NRG3: variants seen among roughly 807,000 people sequenced by gnomAD.
NRG3 encodes the protein neuregulin 3, also known as pro-neuregulin-3, membrane-bound isoform.
NRG3 carries 31 observed loss-of-function variants against 66.9 expected under a neutral mutation model. The observed-to-expected ratio is 0.46, with a 90% CI of 0.35 to 0.63. NRG3 has a LOEUF of 0.63. Among genes scored for constraint, NRG3 ranks in the 20% least tolerant of loss-of-function variants. The pLI is 0.00. For missense variants in NRG3, 910 were observed against 878.9 expected (o/e 1.04, Z -0.45); for synonymous variants, 393 against 359.4 (o/e 1.09, Z -1.06).
chr10:82,518,599 G>T (rs1295489634), intron 2 of NRG3, among the ~76,000 whole-genome samples: 1 of 152,148 alleles, frequency 6.6e-6, no homozygotes, highest in Non-Finnish European at 1.5e-5. Flanking sequence ...ACACATGGAA[G>T]TAATTTTCTC....
At chr10:82,081,946 G>C (rs1471474231) in intron 1 of NRG3, among the ~76,000 whole-genome samples, 1 of 152,148 alleles carries the variant, frequency 6.6e-6, no homozygotes, top group Non-Finnish European at 1.5e-5. Flanking sequence ...CTTGAGTCCA[G>C]GCGTTTTGAG....
chr10:82,230,755 T>TTGAAATAATTTATC (rs2076414775), intron 1 of NRG3, among the ~76,000 whole-genome samples: 1 of 152,050 alleles, frequency 6.6e-6, no homozygotes, highest in Non-Finnish European at 1.5e-5. Context: ...AATAATAACA[T>TTGAAATAATTTATC]TGAAATAATT....
At chr10:82,393,561 G>C (rs1018065423) in intron 2 of NRG3, among the ~76,000 whole-genome samples, 4 of 152,210 alleles carry the variant, frequency 2.6e-5, no homozygotes, top group Admixed American at 2.0e-4. Flanking sequence ...TAAGGAAATA[G>C]AGAGCTGTGT....
At chr10:82,931,619 T>C (rs1320818307) in intron 4 of NRG3, among the ~76,000 whole-genome samples, 2 of 152,234 alleles carry the variant, frequency 1.3e-5, no homozygotes, top group South Asian at 2.1e-4. Context: ...GAAACCTTCA[T>C]TGACTCTTCT....
chr10:82,772,704 C>CTTTTTTTTT (rs745609399), intron 3 of NRG3, among the ~76,000 whole-genome samples: 1 of 111,692 alleles, frequency 9.0e-6, no homozygotes, highest in African/African-American at 3.7e-5. Context: ...GCTTCCATAT[C>CTTTTTTTTT]TTTTTTTTTT....
intron 1 of NRG3, among the ~76,000 whole-genome samples, chr10:82,110,605 T>G (rs1590152928): frequency 9.6e-6 from 1 of 104,284 alleles, no homozygotes; most frequent in Non-Finnish European, 1.8e-5. Flanking sequence ...ATTAATATAG[T>G]TTTTTTTTAA....
chr10:82,315,948 A>G (rs1435655647), intron 1 of NRG3, among the ~76,000 whole-genome samples: 5 of 152,100 alleles, frequency 3.3e-5, no homozygotes, highest in African/African-American at 1.2e-4. Flanking sequence ...CGCCCGGCCC[A>G]TATATGTGAT....
chr10:82,683,015 G>A (rs2054228240), intron 2 of NRG3, among the ~76,000 whole-genome samples: 1 of 142,176 alleles, frequency 7.0e-6, no homozygotes, highest in Non-Finnish European at 1.5e-5. Context: ...CTGGAGTGCA[G>A]TGGCACGATC....
intron 3 of NRG3, among the ~76,000 whole-genome samples, chr10:82,739,363 A>G (rs1416538858): frequency 6.6e-6 from 1 of 152,248 alleles, no homozygotes; most frequent in Non-Finnish European, 1.5e-5. Flanking sequence ...GAATTGAATC[A>G]TGACTAAAAA....
chr10:82,111,091 C>CA (rs950442410), intron 1 of NRG3, among the ~76,000 whole-genome samples: 3 of 152,124 alleles, frequency 2.0e-5, no homozygotes, highest in Admixed American at 6.6e-5. Flanking sequence ...AGTTGAAAAT[C>CA]AAAAATTTTG....
At chr10:82,514,400 A>G (rs1001778555) in intron 2 of NRG3, among the ~76,000 whole-genome samples, 1 of 152,202 alleles carries the variant, frequency 6.6e-6, no homozygotes, top group Non-Finnish European at 1.5e-5. Context: ...AATTTTCTGC[A>G]TGTGGCTAGC....
At chr10:82,858,942 CTT>C (rs534067829) in intron 3 of NRG3, among the ~76,000 whole-genome samples, 4 of 124,228 alleles carry the variant, frequency 3.2e-5, no homozygotes, top group Admixed American at 8.3e-5. Flanking sequence ...AGTAGTCTAA[CTT>C]TTTTTTTTTT....
chr10:81,876,063 C>A lies in NRG3; in HGVS notation c.723C>A (p.Ser241=). The change falls in exon 1 of 9, where the codon TCC becomes TCA. Residue 241 remains serine, a synonymous_variant. Transcript: ENST00000372141. ...CCTACCTTCACGATTCTACTCCCTCCTGGACCCTGTCTCCCTTTCAGGATG... is the reference window on the plus strand; with the variant it reads ...CCTACCTTCACGATTCTACTCCCTCATGGACCCTGTCTCCCTTTCAGGATG... ...TSSYLHDSTP[S]WTLSPFQDAA... is the part of the protein sequence containing the mutation. 6.2e-7 allele frequency: 1 copy of A among 1,613,952 alleles called. No homozygotes were observed. Among genetic ancestry groups the A allele is most frequent in the South Asian group, 1.1e-5 (1 of 91,074 alleles).
intron 1 of NRG3, among the ~76,000 whole-genome samples, chr10:82,190,916 T>C (rs1447893055): frequency 6.6e-6 from 1 of 152,150 alleles, no homozygotes; most frequent in African/African-American, 2.4e-5. Context: ...GATATAACTC[T>C]AGTAGAGACA....
chr10:82,569,377 T>A (rs1169557699), intron 2 of NRG3, among the ~76,000 whole-genome samples: 1 of 151,740 alleles, frequency 6.6e-6, no homozygotes, highest in Non-Finnish European at 1.5e-5. Context: ...GAATTTCAGT[T>A]TTCTCAACTC....
intron 1 of NRG3, among the ~76,000 whole-genome samples, chr10:81,935,916 C>CACAT (rs1847817524): frequency 6.7e-6 from 1 of 149,300 alleles, no homozygotes. Context: ...CACACACACA[C>CACAT]ACACACACAG....
At chr10:81,973,446 A>G (rs377298444) in intron 1 of NRG3, among the ~76,000 whole-genome samples, 6 of 152,218 alleles carry the variant, frequency 3.9e-5, no homozygotes, top group African/African-American at 1.2e-4. Context: ...GTTGGGTCAA[A>G]TAATATTTCT....
intron 1 of NRG3, among the ~76,000 whole-genome samples, chr10:82,281,153 G>A (rs1365319238): frequency 6.6e-6 from 1 of 152,092 alleles, no homozygotes; most frequent in Non-Finnish European, 1.5e-5. Context: ...ACCAAGTTTT[G>A]AATAGATCAT....
intron 2 of NRG3, among the ~76,000 whole-genome samples, chr10:82,612,091 C>G (rs2048351870): frequency 6.6e-6 from 1 of 152,098 alleles, no homozygotes; most frequent in Admixed American, 6.5e-5. Flanking sequence ...TGTTCATATC[C>G]TTTGCCCACT....
Sources: allele counts gnomAD v4.1 joint callset (sites outside exome capture counted in the v4.1 genomes callset), GRCh38; gene constraint gnomAD v4.1.1; transcripts MANE v1.5; gene names NCBI Gene and HGNC (gene_info 2026-07-23, HGNC 2026-07-21).